Variants in DMD observed in about 807,000 individuals in gnomAD.
DMD encodes mutant dystrophin.
A neutral mutation model predicts 330.1 loss-of-function variants in DMD; 63 were observed. The ratio of observed to expected loss-of-function variants is 0.19; its 90% CI spans 0.16 to 0.24. The LOEUF (loss-of-function observed/expected upper bound fraction) is 0.24. DMD is among the 10% of genes least tolerant of loss of function. The probability of loss-of-function intolerance (pLI) is 1.00; values close to 1 mark genes in which losing one functional copy is unlikely to be tolerated. For missense variants in DMD, 3,344 were observed against 2,684.1 expected (o/e 1.25, Z -5.43); for synonymous variants, 1,223 against 959.8 (o/e 1.27, Z -5.07).
chrX:31,625,493 A>G (rs918411396), intron 55 of DMD, among the ~76,000 whole-genome samples: 2 of 112,243 alleles, frequency 1.8e-5, no homozygotes, highest in African/African-American at 6.5e-5. Context: ...GTGAGCAACA[A>G]ATAAACTGTG....
chrX:31,869,448 C>G (rs1221977978), intron 48 of DMD, among the ~76,000 whole-genome samples: 1 of 99,977 alleles, frequency 1.0e-5, no homozygotes, highest in Admixed American at 1.2e-4. Context: ...TGATCTGGAT[C>G]CTGCTGTCTT....
intron 19 of DMD, among the ~76,000 whole-genome samples, chrX:32,495,945 G>T (rs1049203804): frequency 1.8e-5 from 2 of 111,368 alleles, no homozygotes; most frequent in Non-Finnish European, 3.8e-5. Flanking sequence ...AGAATCTCAG[G>T]GATAATGGAT....
chrX:32,219,397 C>A (rs1035929607), intron 43 of DMD, among the ~76,000 whole-genome samples: 2 of 112,136 alleles, frequency 1.8e-5, no homozygotes, highest in African/African-American at 6.5e-5. Flanking sequence ...ATCTAAAAAT[C>A]TATGCAACAT....
chrX:31,638,933 C>A (rs1454146753), intron 54 of DMD, among the ~76,000 whole-genome samples: 1 of 111,490 alleles, frequency 9.0e-6, no homozygotes, highest in African/African-American at 3.3e-5. Flanking sequence ...GTGTTATCAC[C>A]ACCCTTTTAT....
chrX:31,166,675 T>C (rs1348866337), intron 74 of DMD, among the ~76,000 whole-genome samples: 1 of 111,154 alleles, frequency 9.0e-6, no homozygotes, highest in Non-Finnish European at 1.9e-5. Context: ...AAGGCAAATC[T>C]AGGGCTCTGA....
rs1161467659 is a variant in DMD at position 33,020,044 on chromosome X, G to A, written c.93+95C>T. 5 of 647,746 alleles carry A rather than the reference G, an allele frequency of 7.7e-6. No homozygotes were observed. The African/African-American group carries it at 1.1e-4, about 15-fold the overall frequency. 53.4% of individuals were successfully genotyped at this position (647,746 alleles called of 1,213,427 possible). ...GCTAAAATAAAATGACACTATGAGA[G>A]AAATAAAACGGATTTTTAAGATACA... is the stretch of plus-strand genomic sequence containing the variant. On this transcript the variant is annotated intron_variant, in intron 2 of 78. Transcript: ENST00000357033.
At chrX:32,474,751 T>C (rs2041048272) in intron 21 of DMD, among the ~76,000 whole-genome samples, 1 of 111,840 alleles carries the variant, frequency 8.9e-6, no homozygotes, top group African/African-American at 3.2e-5. Flanking sequence ...ATTCTGGATA[T>C]TAGTCCTTTG....
At chrX:32,452,203 T>A (rs930987392) in intron 26 of DMD, among the ~76,000 whole-genome samples, 7 of 104,679 alleles carry the variant, frequency 6.7e-5, no homozygotes, top group Admixed American at 1.1e-4. Context: ...TCTGAGGTAG[T>A]GGCCATATAT....
intron 34 of DMD, among the ~76,000 whole-genome samples, chrX:32,373,713 G>A (rs995056387): frequency 1.8e-5 from 2 of 111,570 alleles, no homozygotes; most frequent in Non-Finnish European, 3.8e-5. Flanking sequence ...GCCCATCTCT[G>A]CTCTCATTTA....
At position 31,882,690 on chromosome X, in the gene DMD, T is replaced by C. The variant is rs540156672; in HGVS notation, c.6913-7317A>G. 1.4e-4 allele frequency among the ~76,000 whole-genome samples: 16 copies of C among 112,121 alleles called. No individual in the cohort carries two copies. In the South Asian group the frequency reaches 5.9e-3, roughly 41 times the overall value. ...GTAAGAAAAAGACAACTATTATTTT[T>C]AATGGGCAAAAGATTTGCATAATGA... On this transcript the variant is annotated intron_variant, in intron 47 of 78. Transcript: ENST00000357033.
At chrX:32,860,354 A>G (rs1045048795) in intron 2 of DMD, among the ~76,000 whole-genome samples, 2 of 112,122 alleles carry the variant, frequency 1.8e-5, no homozygotes, top group Non-Finnish European at 3.8e-5. Context: ...ATTTAGCATG[A>G]CCTTCTGATT....
At chrX:31,788,626 A>AT (rs1269939631) in intron 50 of DMD, among the ~76,000 whole-genome samples, 2 of 111,177 alleles carry the variant, frequency 1.8e-5, no homozygotes, top group African/African-American at 6.5e-5. Flanking sequence ...ATTCTTATTG[A>AT]TTTTTTAATG....
intron 9 of DMD, among the ~76,000 whole-genome samples, chrX:32,666,726 G>A (rs60149876): frequency 0.12 from 12,927 of 108,289 alleles, 1,035 homozygotes; most frequent in African/African-American, 0.28. Flanking sequence ...CTACTTGGGA[G>A]GCTGAGGAAG....
intron 62 of DMD, among the ~76,000 whole-genome samples, chrX:31,317,764 G>A (rs10217914): frequency 0.016 from 1,800 of 111,318 alleles, 27 homozygotes; most frequent in African/African-American, 0.047. Flanking sequence ...GCCTGCCTCA[G>A]CCTCCCAAAG....
chrX:32,312,645 T>C (rs1457633640), intron 41 of DMD, among the ~76,000 whole-genome samples: 1 of 109,012 alleles, frequency 9.2e-6, no homozygotes, highest in Admixed American at 1.0e-4. Context: ...AGCTGGTCTT[T>C]TGAAAAGATT....
rs753239898 is a variant in DMD, at chrX:32,904,667, G to A, written c.94-54847C>T. 1.9e-4 allele frequency among the ~76,000 whole-genome samples: 21 copies of A among 111,862 alleles called. 1 individual carries two copies. The highest frequency in any genetic ancestry group is 7.5e-4 in the South Asian group (2 of 2,665). Reference sequence around the variant, plus strand: ...CTGCTCACTGCAACCTCCGCCTCCCGGGCTCAAGCAATTCTCCTGCCTCAG... The same window carrying A: ...CTGCTCACTGCAACCTCCGCCTCCCAGGCTCAAGCAATTCTCCTGCCTCAG... On this transcript the variant is annotated intron_variant, in intron 2 of 78. Transcript: ENST00000357033.
intron 7 of DMD, among the ~76,000 whole-genome samples, chrX:32,726,811 C>G (rs1486016370): frequency 9.1e-6 from 1 of 109,855 alleles, no homozygotes; most frequent in Non-Finnish European, 1.9e-5. Flanking sequence ...ATCACATATT[C>G]AAAGAAATTA....
intron 44 of DMD, among the ~76,000 whole-genome samples, chrX:32,018,098 C>T (rs997011211): frequency 1.8e-5 from 2 of 111,497 alleles, no homozygotes; most frequent in Non-Finnish European, 3.8e-5. Context: ...TACAGCTTAG[C>T]TTCTTCCTGT....
chrX:31,614,164 G>A (rs1046146558), intron 55 of DMD, among the ~76,000 whole-genome samples: 2 of 112,259 alleles, frequency 1.8e-5, no homozygotes, highest in Admixed American at 1.9e-4. Context: ...AGTAAATCAT[G>A]GGAAGAATGC....
Sources: gnomAD v4.1 joint callset for allele counts (sites outside exome capture counted in the v4.1 genomes callset) on GRCh38, gnomAD v4.1.1 for gene constraint, MANE v1.5 for transcripts, NCBI Gene and HGNC (gene_info 2026-07-23, HGNC 2026-07-21) for gene names.